Variants in FRMD5 observed in about 807,000 individuals in gnomAD.
The protein encoded by FRMD5 is FERM domain containing 5, also known as FERM domain-containing protein 5.
In FRMD5, 20 loss-of-function variants were observed where a neutral mutation model predicts 69.0. That is an observed-to-expected ratio of 0.29 (90% CI 0.20 to 0.42). The LOEUF is 0.42. Ranked by LOEUF, FRMD5 falls within the 10% of genes least tolerant of loss-of-function variation. The pLI, the probability that FRMD5 is intolerant of heterozygous loss-of-function variation, is 1.00. For missense variants in FRMD5, 595 were observed against 708.6 expected, an observed-to-expected ratio of 0.84 and a Z score of 1.82; for synonymous variants, 271 against 260.1, an observed-to-expected ratio of 1.04 and a Z score of -0.40.
intron 1 of FRMD5, among the ~76,000 whole-genome samples, chr15:43,946,078 A>C (rs1427267170): frequency 1.3e-5 from 2 of 151,794 alleles, no homozygotes; most frequent in African/African-American, 4.8e-5. Flanking sequence ...AATTCCCCAA[A>C]GTCTCACTTC....
chr15:44,044,787 T>C (rs1892360131), intron 1 of FRMD5, among the ~76,000 whole-genome samples: 1 of 152,004 alleles, frequency 6.6e-6, no homozygotes, highest in South Asian at 2.1e-4. Flanking sequence ...AGGGGAGAGA[T>C]AGCATTAGGG....
intron 1 of FRMD5, among the ~76,000 whole-genome samples, chr15:44,186,316 G>C (rs535331923): frequency 5.9e-5 from 9 of 152,258 alleles, no homozygotes; most frequent in Non-Finnish European, 1.2e-4. Flanking sequence ...AGAGTATTTG[G>C]AATCCTTTGG....
At chr15:44,002,116 C>G (rs1027683235) in intron 1 of FRMD5, among the ~76,000 whole-genome samples, 1 of 152,132 alleles carries the variant, frequency 6.6e-6, no homozygotes, top group East Asian at 1.9e-4. Context: ...TTTCAACTTT[C>G]TAGCACAATA....
At chr15:43,902,744 A>C (rs1244567031) in intron 6 of FRMD5, among the ~76,000 whole-genome samples, 5 of 152,194 alleles carry the variant, frequency 3.3e-5, no homozygotes, top group Non-Finnish European at 7.3e-5. Flanking sequence ...TTTTAAAAGA[A>C]AAGTCAGAGA....
At chr15:44,032,394 G>T (rs1351078443) in intron 1 of FRMD5, among the ~76,000 whole-genome samples, 1 of 152,134 alleles carries the variant, frequency 6.6e-6, no homozygotes, top group Non-Finnish European at 1.5e-5. Flanking sequence ...CACAGCAAAA[G>T]AAACTGTCCA....
chr15:44,152,891 T>G (rs984862248), intron 1 of FRMD5, among the ~76,000 whole-genome samples: 1 of 145,952 alleles, frequency 6.9e-6, no homozygotes, highest in African/African-American at 2.5e-5. Flanking sequence ...AAAAAAAAAG[T>G]AAACGGGCAA....
At chr15:44,157,769 GA>G in intron 1 of FRMD5, among the ~76,000 whole-genome samples, 1 of 152,094 alleles carries the variant, frequency 6.6e-6, no homozygotes, top group South Asian at 2.1e-4. Context: ...GGAGATGAAA[GA>G]AAAGGAAAAT....
chr15:44,149,332 AAAG>A (rs1162587701), intron 1 of FRMD5, among the ~76,000 whole-genome samples: 2 of 152,142 alleles, frequency 1.3e-5, no homozygotes, highest in African/African-American at 4.8e-5. Flanking sequence ...ACTAAACACA[AAAG>A]AAGATAGTAA....
intron 1 of FRMD5, among the ~76,000 whole-genome samples, chr15:44,097,308 T>C (rs770579146): frequency 2.0e-5 from 3 of 152,230 alleles, no homozygotes; most frequent in Non-Finnish European, 4.4e-5. Context: ...GCAAGCTTTG[T>C]AGAAAAATTC....
intron 4 of FRMD5, chr15:43,917,841 C>T (rs1318406182): frequency 6.6e-6 from 1 of 152,282 alleles, no homozygotes; most frequent in East Asian, 1.9e-4. Context: ...TAGTAAGAGA[C>T]ATGAGATTTG....
At chr15:43,910,036 G>T in intron 4 of FRMD5, 57 bp from the exon 5 acceptor site, 4 of 991,058 alleles carry the variant, frequency 4.0e-6, no homozygotes, top group Non-Finnish European at 6.3e-6. Flanking sequence ...TTTAAAGATA[G>T]AAATATGTAT....
At chr15:44,126,130 C>A (rs977458462) in intron 1 of FRMD5, among the ~76,000 whole-genome samples, 6 of 152,188 alleles carry the variant, frequency 3.9e-5, no homozygotes, top group African/African-American at 1.4e-4. Flanking sequence ...TGAACCTCCT[C>A]CCAAGAGATA....
intron 1 of FRMD5, among the ~76,000 whole-genome samples, chr15:44,115,561 A>C (rs1471033573): frequency 6.6e-6 from 1 of 152,240 alleles, no homozygotes; most frequent in East Asian, 1.9e-4. Context: ...ATATATGTAA[A>C]ATAATAAAAA....
chr15:44,180,052 TA>T (rs5812269), intron 1 of FRMD5, among the ~76,000 whole-genome samples: 88,781 of 97,454 alleles, frequency 0.91, 40,636 homozygotes, highest in Non-Finnish European at 0.95. Context: ...CTCCATCTCT[TA>T]AAAAAAAAAA....
chr15:43,976,282 TG>T (rs147904596), intron 1 of FRMD5, among the ~76,000 whole-genome samples: 2,512 of 152,196 alleles, frequency 0.017, 69 homozygotes, highest in East Asian at 0.05. Flanking sequence ...ATAAAATAAA[TG>T]GATATATTAG....
In FRMD5 at chr15:43,873,493, A is replaced by AGTG. The variant is rs142180026; in HGVS notation, c.*389_*391dup. 1.4e-3 allele frequency: 1,948 copies of AGTG among 1,422,586 alleles called. 26 individuals carry two copies. In the African/African-American group the frequency reaches 0.025, roughly 19 times the overall value. The allele number at this position is 1,422,586 out of a possible 1,614,324, so 88.1% of individuals were successfully genotyped here. A position where few individuals can be genotyped will look rare whatever the true frequency, so the allele number is the denominator to read the frequency against. ...GACAGCAGCTCTCTAGTTTTCAACT[A>AGTG]GTGTCCCCTCTGCTAGGTGATACTA... On this transcript the variant is annotated 3_prime_UTR_variant, in exon 14 of 14. Transcript: ENST00000417257.
chr15:44,124,682 GA>G (rs1227224645), intron 1 of FRMD5, among the ~76,000 whole-genome samples: 7 of 152,094 alleles, frequency 4.6e-5, no homozygotes, highest in African/African-American at 1.7e-4. Flanking sequence ...CTGGGTGACA[GA>G]GGGAGACTTC....
chr15:43,994,507 T>A (rs2140147982), intron 1 of FRMD5, among the ~76,000 whole-genome samples: 2 of 152,314 alleles, frequency 1.3e-5, no homozygotes, highest in South Asian at 4.1e-4. Flanking sequence ...AGTTCAATGG[T>A]GCAATACTGG....
chr15:43,897,974 T>C (rs1295432150), intron 7 of FRMD5, among the ~76,000 whole-genome samples: 1 of 152,202 alleles, frequency 6.6e-6, no homozygotes, highest in Non-Finnish European at 1.5e-5. Flanking sequence ...TCCGCTATGA[T>C]TGTAAGTTTC....
Sources: gnomAD v4.1 joint callset for allele counts (sites outside exome capture counted in the v4.1 genomes callset) on GRCh38, gnomAD v4.1.1 for gene constraint, MANE v1.5 for transcripts, NCBI Gene and HGNC (gene_info 2026-07-23, HGNC 2026-07-21) for gene names.